Variants in NBEA observed in about 807,000 individuals in gnomAD.
The protein encoded by NBEA is lysosomal-trafficking regulator 2.
Under a neutral mutation model 343.4 loss-of-function variants are expected in NBEA, and 44 were observed. The ratio of observed to expected loss-of-function variants is 0.13; its 90% CI spans 0.10 to 0.16. The LOEUF (loss-of-function observed/expected upper bound fraction) is 0.16. Among genes scored for constraint, NBEA ranks in the 10% least tolerant of loss-of-function variants. The pLI, the probability that NBEA is intolerant of heterozygous loss-of-function variation, is 1.00. For synonymous variants in NBEA, 1,175 were observed against 1,238.7 expected, an observed-to-expected ratio of 0.95 and a Z score of 1.08; for missense variants, 2,555 against 3,631.3, an observed-to-expected ratio of 0.70 and a Z score of 7.62.
chr13:35,570,463 C>T (rs1437832140), intron 45 of NBEA, among the ~76,000 whole-genome samples: 3 of 152,136 alleles, frequency 2.0e-5, no homozygotes, highest in Non-Finnish European at 1.5e-5. Flanking sequence ...ACAGACGGAG[C>T]CTAAATAAAT....
chr13:35,292,059 G>A (rs1318181439), intron 35 of NBEA, among the ~76,000 whole-genome samples: 2 of 151,792 alleles, frequency 1.3e-5, no homozygotes, highest in Non-Finnish European at 2.9e-5. Context: ...GCTCCCAATT[G>A]TTTTTGTTAT....
intron 33 of NBEA, among the ~76,000 whole-genome samples, chr13:35,214,712 A>G (rs1386103561): frequency 6.6e-6 from 1 of 151,812 alleles, no homozygotes; most frequent in African/African-American, 2.4e-5. Flanking sequence ...ATTGTCTCAA[A>G]TAGTTTCGTC....
intron 1 of NBEA, among the ~76,000 whole-genome samples, chr13:34,991,711 ATAT>A (rs1408344285): frequency 6.6e-6 from 1 of 152,180 alleles, no homozygotes; most frequent in Non-Finnish European, 1.5e-5. Context: ...CTAAGGACAT[ATAT>A]TATTCTATGT....
chr13:35,039,891 C>T lies in NBEA; in HGVS notation c.295-1042C>T, dbSNP rs772848088. Among the ~76,000 whole-genome samples, 40 of 152,006 alleles carry T rather than the reference C, an allele frequency of 2.6e-4. 1 individual carries two copies. Among genetic ancestry groups the T allele is most frequent in the Non-Finnish European group, 3.7e-4 (25 of 67,984 alleles). Reference sequence around the variant, plus strand: ...CATGCTTTATATAACTTTTAGCCACCTTCAATGTTTTTTGGAATAAAGTAA... The same window carrying T: ...CATGCTTTATATAACTTTTAGCCACTTTCAATGTTTTTTGGAATAAAGTAA... On this transcript the variant is annotated intron_variant, in intron 1 of 58. Transcript: ENST00000379939.
intron 48 of NBEA, among the ~76,000 whole-genome samples, chr13:35,620,475 G>T (rs1324469926): frequency 1.3e-5 from 2 of 152,182 alleles, no homozygotes; most frequent in Non-Finnish European, 2.9e-5. Flanking sequence ...GGCCAGGAAA[G>T]GGTGGGCAAG....
intron 18 of NBEA, among the ~76,000 whole-genome samples, chr13:35,146,986 G>C (rs1307456006): frequency 6.6e-6 from 1 of 152,178 alleles, no homozygotes; most frequent in Non-Finnish European, 1.5e-5. Flanking sequence ...GTCAATGTTA[G>C]TATATTTTCT....
intron 1 of NBEA, among the ~76,000 whole-genome samples, chr13:34,983,073 C>T (rs1289955007): frequency 1.3e-5 from 2 of 152,064 alleles, no homozygotes; most frequent in Non-Finnish European, 1.5e-5. Context: ...GCACAACGTG[C>T]AGGTTTGTTA....
At position 35,098,469 on chromosome 13, in the gene NBEA, AT is replaced by A. The variant is rs574221840; in HGVS notation, c.1680+73del. The A allele has an allele frequency of 6.5e-3, 7,828 of 1,196,002 alleles. 58 individuals carry two copies. Among genetic ancestry groups the A allele is most frequent in the Non-Finnish European group, 8.6e-3 (7,158 of 835,152 alleles). 74.1% of individuals were successfully genotyped at this position (1,196,002 alleles called of 1,614,324 possible). A position where few individuals can be genotyped will look rare whatever the true frequency, so the allele number is the denominator to read the frequency against. On this transcript the variant is annotated intron_variant, in intron 11 of 58. Transcript: ENST00000379939. ...ACAGTTGGACAGCTGTTAATCACTA[AT>A]TTTTTTTTCTGTAATTTCACTTTCC...
intron 28 of NBEA, 68 bp from the exon 29 acceptor site, chr13:35,182,292 T>C (rs867900819): frequency 2.1e-6 from 3 of 1,428,064 alleles, no homozygotes; most frequent in South Asian, 3.0e-5. Context: ...AAATAGCAGT[T>C]TCTAGTGCTT....
chr13:35,128,978 T>G (rs2067271470), intron 17 of NBEA, among the ~76,000 whole-genome samples: 1 of 149,288 alleles, frequency 6.7e-6, no homozygotes, highest in African/African-American at 2.5e-5. Flanking sequence ...ACTTCACATG[T>G]GGCTATTAAG....
intron 1 of NBEA, among the ~76,000 whole-genome samples, chr13:35,012,280 A>G (rs550052894): frequency 2.6e-5 from 4 of 152,242 alleles, no homozygotes; most frequent in South Asian, 2.1e-4. Flanking sequence ...GAGAGAGAGC[A>G]AGAGGGGGCC....
intron 41 of NBEA, among the ~76,000 whole-genome samples, chr13:35,531,985 G>A (rs932843438): frequency 6.6e-6 from 1 of 152,170 alleles, no homozygotes; most frequent in African/African-American, 2.4e-5. Flanking sequence ...TGAAAAGCTT[G>A]TACTGGACCT....
intron 6 of NBEA, among the ~76,000 whole-genome samples, chr13:35,054,966 A>G (rs2063199047): frequency 1.3e-5 from 2 of 152,092 alleles, no homozygotes; most frequent in African/African-American, 4.8e-5. Context: ...CTAAGTTGAA[A>G]TGAACAAAAT....
At chr13:35,140,935 A>G (rs890176983) in intron 17 of NBEA, among the ~76,000 whole-genome samples, 1 of 152,148 alleles carries the variant, frequency 6.6e-6, no homozygotes, top group African/African-American at 2.4e-5. Context: ...TTGTAGCTCC[A>G]TTGTCTTCCT....
At chr13:35,121,920 C>T (rs1416963788) in intron 16 of NBEA, among the ~76,000 whole-genome samples, 1 of 152,024 alleles carries the variant, frequency 6.6e-6, no homozygotes, top group Non-Finnish European at 1.5e-5. Context: ...TAAAATAAAG[C>T]ACACTATAAT....
At chr13:35,496,702 T>C (rs1471295508) in intron 41 of NBEA, among the ~76,000 whole-genome samples, 1 of 151,660 alleles carries the variant, frequency 6.6e-6, no homozygotes, top group African/African-American at 2.4e-5. Context: ...TTAATAGCTG[T>C]TCTTCTAGCA....
rs2082289579 is a variant in NBEA at position 35,606,607 on chromosome 13, A to G, written c.7449+29A>G. The G allele has an allele frequency of 1.9e-6, 3 of 1,570,564 alleles. No individual in the cohort carries two copies. The East Asian group carries it at 6.8e-5, about 36-fold the overall frequency. Reference sequence around the variant, plus strand: ...AGAGAGATTTTGCTTTTGCTTGGGCAGTCATCAGGGAGTTAACATATTCTG... The same window carrying G: ...AGAGAGATTTTGCTTTTGCTTGGGCGGTCATCAGGGAGTTAACATATTCTG... On this transcript the variant is annotated intron_variant, in intron 48 of 58. Coordinates refer to ENST00000379939, the MANE Select transcript of NBEA (RefSeq NM_001385012.1).
At chr13:35,045,272 A>G (rs778952774) in intron 3 of NBEA, 34 bp from the exon 4 acceptor site, 6 of 1,538,864 alleles carry the variant, frequency 3.9e-6, no homozygotes, top group African/African-American at 1.4e-5. Flanking sequence ...CTAAATTTGT[A>G]CAATGACATT....
intron 38 of NBEA, among the ~76,000 whole-genome samples, chr13:35,402,361 T>C (rs900833743): frequency 2.0e-5 from 3 of 152,064 alleles, no homozygotes; most frequent in African/African-American, 7.2e-5. Context: ...TTTAAAAATA[T>C]TTATCCACAT....
Sources: allele counts gnomAD v4.1 joint callset (sites outside exome capture counted in the v4.1 genomes callset), GRCh38; gene constraint gnomAD v4.1.1; transcripts MANE v1.5; gene names NCBI Gene and HGNC (gene_info 2026-07-23, HGNC 2026-07-21).